The following ONECUT1 variants were observed in gnomAD, a reference collection of about 807,000 sequenced individuals.
ONECUT1 encodes hepatocyte nuclear factor 6.
In ONECUT1, 12 loss-of-function variants were observed where a neutral mutation model predicts 25.6. The ratio of observed to expected loss-of-function variants is 0.47; its 90% CI spans 0.30 to 0.76. The LOEUF (loss-of-function observed/expected upper bound fraction) is 0.76, where lower values mean the gene tolerates loss of function less well. Among genes scored for constraint, ONECUT1 ranks in the 30% least tolerant of loss-of-function variants. The probability of loss-of-function intolerance (pLI) is 0.07; values close to 1 mark genes in which losing one functional copy is unlikely to be tolerated. For synonymous variants in ONECUT1, 285 were observed against 270.2 expected (o/e 1.05, Z -0.54); for missense variants, 620 against 651.2 (o/e 0.95, Z 0.52).
chr15:52,777,731 C>CAAAAAAAAA (rs1370694948), intron 1 of ONECUT1, among the ~76,000 whole-genome samples: 8 of 84,230 alleles, frequency 9.5e-5, no homozygotes, highest in African/African-American at 4.9e-4. Flanking sequence ...CACACACACA[C>CAAAAAAAAA]ACACACAAAA....
At position 52,756,322 on chromosome 15, in the gene ONECUT1, G is replaced by A. The variant is rs1042883778; in HGVS notation, c.*1233C>T. Among the ~76,000 whole-genome samples the A allele has an allele frequency of 8.5e-5, 13 of 152,138 alleles. No homozygotes were observed. The highest frequency in any genetic ancestry group is 7.9e-4 in the Admixed American group (12 of 15,274). ...TTTAAACTTTATTTGTATTTGTAAA[G>A]TATTTAAAAGAGGTTTTTGGTGCCA... is the stretch of plus-strand genomic sequence containing the variant. On this transcript the variant is annotated 3_prime_UTR_variant, in exon 2 of 2. Transcript: ENST00000305901.
In ONECUT1 at chr15:52,790,334, G is replaced by A. The variant is rs1297684509; in HGVS notation, c.-450C>T. Among the ~76,000 whole-genome samples, 2 of 150,884 alleles carry A rather than the reference G, an allele frequency of 1.3e-5. No individual in the cohort carries two copies. The highest frequency in any genetic ancestry group is 3.9e-4 in the East Asian group (2 of 5,168). Reference sequence around the variant, plus strand: ...CAGCTTGAGCCATGGCTCTGTTACTGTTACAGACTCTGTGGCCGCGGTTCG... The same window carrying A: ...CAGCTTGAGCCATGGCTCTGTTACTATTACAGACTCTGTGGCCGCGGTTCG... On this transcript the variant is annotated 5_prime_UTR_variant, in exon 1 of 2. Transcript: ENST00000305901.
intron 1 of ONECUT1, among the ~76,000 whole-genome samples, chr15:52,770,900 T>C (rs1490688980): frequency 6.6e-5 from 10 of 152,178 alleles, no homozygotes. Flanking sequence ...TAATTTTTTG[T>C]CTGAGCTTGG....
chr15:52,782,413 C>A (rs543312226), intron 1 of ONECUT1, among the ~76,000 whole-genome samples: 1 of 152,196 alleles, frequency 6.6e-6, no homozygotes, highest in African/African-American at 2.4e-5. Flanking sequence ...AAAATAAGAA[C>A]CTATACAAAC....
chr15:52,767,462 C>T (rs1010718720), intron 1 of ONECUT1, among the ~76,000 whole-genome samples: 7 of 152,288 alleles, frequency 4.6e-5, no homozygotes, highest in East Asian at 1.9e-4. Flanking sequence ...ATACTGGCAT[C>T]GTCCTCTCGC....
In ONECUT1 at chr15:52,790,297, C is replaced by G. The variant is rs2083912630; in HGVS notation, c.-413G>C. Among the ~76,000 whole-genome samples, 1 of 151,512 alleles carries G rather than the reference C, an allele frequency of 6.6e-6. No individual in the cohort carries two copies. Among genetic ancestry groups the G allele is most frequent in the African/African-American group, 2.4e-5 (1 of 41,356 alleles). On this transcript the variant is annotated 5_prime_UTR_variant, in exon 1 of 2. Coordinates refer to ENST00000305901, the MANE Select transcript of ONECUT1 (RefSeq NM_004498.4). ...GCGCCTGCCGCGTCTGCTGCCTGCCCGCCCCGCTGGCCAGCTTGAGCCATG... is the reference window on the plus strand; with the variant it reads ...GCGCCTGCCGCGTCTGCTGCCTGCCGGCCCCGCTGGCCAGCTTGAGCCATG...
In ONECUT1 at chr15:52,780,180, T is replaced by A. The variant is rs141769520; in HGVS notation, c.1105+8600A>T. Reference sequence around the variant, plus strand: ...CTAAAAGCTTTCTGTGAGGCAGCCCTTTTTTAATGTCAGGATGAAACTCAG... The same window carrying A: ...CTAAAAGCTTTCTGTGAGGCAGCCCATTTTTAATGTCAGGATGAAACTCAG... On this transcript the variant is annotated intron_variant, in intron 1 of 1. Transcript: ENST00000305901. 3.1e-4 allele frequency among the ~76,000 whole-genome samples: 47 copies of A among 152,350 alleles called. No homozygotes were observed. In the East Asian group the frequency reaches 4.8e-3, roughly 16 times the overall value.
chr15:52,774,251 A>G (rs960109405), intron 1 of ONECUT1, among the ~76,000 whole-genome samples: 2 of 151,972 alleles, frequency 1.3e-5, no homozygotes, highest in East Asian at 1.9e-4. Context: ...AGCTCAAAGG[A>G]TGTATATAAT....
At chr15:52,787,387 C>T (rs888477747) in intron 1 of ONECUT1, among the ~76,000 whole-genome samples, 1 of 152,072 alleles carries the variant, frequency 6.6e-6, no homozygotes, top group Non-Finnish European at 1.5e-5. Context: ...TGGTCGGCAC[C>T]TGCCACCCCC....
intron 1 of ONECUT1, among the ~76,000 whole-genome samples, chr15:52,769,778 C>T (rs1294471788): frequency 6.6e-6 from 1 of 152,134 alleles, no homozygotes; most frequent in African/African-American, 2.4e-5. Flanking sequence ...CCACTGAGTA[C>T]CAGAGGGCAG....
At chr15:52,781,816 A>G (rs1043588670) in intron 1 of ONECUT1, among the ~76,000 whole-genome samples, 1 of 152,188 alleles carries the variant, frequency 6.6e-6, no homozygotes, top group African/African-American at 2.4e-5. Flanking sequence ...AAGTGATTCC[A>G]ATGTATAGCA....
rs1257194999 is a variant in ONECUT1 at position 52,755,068 on chromosome 15, A to G, written c.*2487T>C. Among the ~76,000 whole-genome samples the G allele has an allele frequency of 1.3e-5, 2 of 151,298 alleles. No individual in the cohort carries two copies. The highest frequency in any genetic ancestry group is 2.9e-5 in the Non-Finnish European group (2 of 67,842). On this transcript the variant is annotated 3_prime_UTR_variant, in exon 2 of 2. Coordinates refer to ENST00000305901, the MANE Select transcript of ONECUT1 (RefSeq NM_004498.4). The stretch of plus-strand genomic sequence containing the variant: ...GTTGGATTGATTTTGGGGGTAATAT[A>G]TACTAGCAACAAATAAAAAACATGG...
chr15:52,787,796 T>C (rs1010011453), intron 1 of ONECUT1: 2 of 152,124 alleles, frequency 1.3e-5, no homozygotes, highest in African/African-American at 4.8e-5. Flanking sequence ...AAATCCCCGG[T>C]GGGGTTCGGG....
rs776738071 is a variant in ONECUT1, at chr15:52,788,524, A to G, written c.1105+256T>C. On this transcript the variant is annotated intron_variant, in intron 1 of 1. Coordinates refer to ENST00000305901, the MANE Select transcript of ONECUT1 (RefSeq NM_004498.4). This position sits in a 1 kb window ranked among gnomAD's most constrained non-coding sequence, Gnocchi z 4.3. ...GCTTCCCTCGCTGTCCCTGAGCGCA[A>G]ATGAGCCTCTTCAGTCGCCGAGGCC... The G allele has an allele frequency of 2.1e-6, 1 of 472,630 alleles. No individual in the cohort carries two copies. Among genetic ancestry groups the G allele is most frequent in the Non-Finnish European group, 3.8e-6 (1 of 265,012 alleles). The allele number at this position is 472,630 out of a possible 1,614,324, so 29.3% of individuals were successfully genotyped here.
In ONECUT1 at chr15:52,763,466, G is replaced by A. The variant is rs1160667960; in HGVS notation, c.1106-5619C>T. On this transcript the variant is annotated intron_variant, in intron 1 of 1. Coordinates refer to ENST00000305901, the MANE Select transcript of ONECUT1 (RefSeq NM_004498.4). The stretch of plus-strand genomic sequence containing the variant: ...GCCTGGGGACTGCTTTGCCTATAGT[G>A]GGCAAGGCAGAGCCAAGTGGGTTTC... Among the ~76,000 whole-genome samples the A allele has an allele frequency of 2.0e-5, 3 of 152,184 alleles. No individual in the cohort carries two copies. The East Asian group carries it at 5.8e-4, about 29-fold the overall frequency.
At chr15:52,770,006 T>C (rs1200285468) in intron 1 of ONECUT1, among the ~76,000 whole-genome samples, 1 of 152,270 alleles carries the variant, frequency 6.6e-6, no homozygotes, top group Non-Finnish European at 1.5e-5. Flanking sequence ...GAATGCTTTA[T>C]AAATAAGGTG....
chr15:52,780,753 A>G, intron 1 of ONECUT1: 1 of 1,459,832 alleles, frequency 6.9e-7, no homozygotes, highest in Non-Finnish European at 9.0e-7. Context: ...CTGTTTTAGA[A>G]GACAACAGGA....
chr15:52,786,608 C>T (rs1462888062), intron 1 of ONECUT1, among the ~76,000 whole-genome samples: 3 of 152,268 alleles, frequency 2.0e-5, no homozygotes, highest in Non-Finnish European at 4.4e-5. Flanking sequence ...CATGTTTGCG[C>T]CTCCAGCGTG....
rs144953715 is a variant in ONECUT1, at chr15:52,765,961, C to T, written c.1106-8114G>A. On this transcript the variant is annotated intron_variant, in intron 1 of 1. Coordinates refer to ENST00000305901, the MANE Select transcript of ONECUT1 (RefSeq NM_004498.4). ...AAGTCCTGCACAGATTGTCTGGAAA[C>T]TGATGGCCAGCAGAGGGAGGTGGAG... is the stretch of plus-strand genomic sequence containing the variant. 2.9e-3 allele frequency among the ~76,000 whole-genome samples: 447 copies of T among 152,308 alleles called. 4 individuals are homozygous for T. The highest frequency in any genetic ancestry group is 0.01 in the African/African-American group (426 of 41,540).
Sources: gnomAD v4.1 joint callset for allele counts (sites outside exome capture counted in the v4.1 genomes callset) on GRCh38, gnomAD v4.1.1 for gene constraint, Gnocchi (gnomAD v3.1) non-coding constraint, MANE v1.5 for transcripts, NCBI Gene and HGNC (gene_info 2026-07-23, HGNC 2026-07-21) for gene names.